Variants in DLG2 observed in about 807,000 individuals in gnomAD.
DLG2 encodes discs large MAGUK scaffold protein 2.
In DLG2, 45 loss-of-function variants were observed where a neutral mutation model predicts 132.5. The observed-to-expected ratio is 0.34, with a 90% CI of 0.27 to 0.44. DLG2 has a LOEUF of 0.44. Among genes scored for constraint, DLG2 ranks in the 20% least tolerant of loss-of-function variants. DLG2 has a pLI of 1.00. For synonymous variants in DLG2, 424 were observed against 419.6 expected (o/e 1.01, Z -0.13); for missense variants, 1,045 against 1,196.9 (o/e 0.87, Z 1.87).
At chr11:85,480,905 A>T (rs1016333771) in intron 3 of DLG2, among the ~76,000 whole-genome samples, 2 of 152,210 alleles carry the variant, frequency 1.3e-5, no homozygotes, top group African/African-American at 2.4e-5. Flanking sequence ...TTTAAGTAAA[A>T]CTCTTTCAAA....
chr11:83,916,074 C>T (rs527927367), intron 15 of DLG2, among the ~76,000 whole-genome samples: 33 of 152,276 alleles, frequency 2.2e-4, no homozygotes, highest in South Asian at 4.1e-4. Context: ...ATCAGTACTT[C>T]ATTCTTTTTT....
chr11:83,938,208 T>C (rs568535777), intron 14 of DLG2, among the ~76,000 whole-genome samples: 2 of 152,334 alleles, frequency 1.3e-5, no homozygotes, highest in South Asian at 2.1e-4. Flanking sequence ...TGAATAAAGT[T>C]AAATACAAAA....
intron 7 of DLG2, among the ~76,000 whole-genome samples, chr11:84,379,950 C>A (rs1246176474): frequency 6.6e-6 from 1 of 151,604 alleles, no homozygotes; most frequent in East Asian, 1.9e-4. Context: ...AAAATCAACC[C>A]AAAAGGAAAG....
chr11:83,946,289 A>G (rs2083945585), intron 14 of DLG2, among the ~76,000 whole-genome samples: 1 of 152,164 alleles, frequency 6.6e-6, no homozygotes, highest in Non-Finnish European at 1.5e-5. Context: ...CACCCAGCCA[A>G]CTTCTGGTAA....
At chr11:83,503,454 CACACACACACAT>C (rs2094552032) in intron 21 of DLG2, among the ~76,000 whole-genome samples, 1 of 120,344 alleles carries the variant, frequency 8.3e-6, no homozygotes, top group Non-Finnish European at 1.8e-5. Flanking sequence ...TATATTTATA[CACACACACACAT>C]ATATTATTAA....
At chr11:84,468,983 T>A (rs2099101746) in intron 7 of DLG2, among the ~76,000 whole-genome samples, 1 of 151,542 alleles carries the variant, frequency 6.6e-6, no homozygotes, top group Non-Finnish European at 1.5e-5. Flanking sequence ...GACATTTCCT[T>A]TGTGAATCTT....
At chr11:83,928,713 T>C (rs1409416945) in intron 15 of DLG2, among the ~76,000 whole-genome samples, 2 of 152,150 alleles carry the variant, frequency 1.3e-5, no homozygotes, top group African/African-American at 2.4e-5. Context: ...AGGCAACTTA[T>C]CAAGTCTCGA....
intron 3 of DLG2, among the ~76,000 whole-genome samples, chr11:85,479,257 T>A (rs1280274801): frequency 1.3e-5 from 2 of 152,156 alleles, no homozygotes; most frequent in African/African-American, 2.4e-5. Flanking sequence ...TCCAATATCA[T>A]GGCAAAGGCA....
chr11:84,378,103 G>A (rs565505326), intron 7 of DLG2, among the ~76,000 whole-genome samples: 32 of 152,240 alleles, frequency 2.1e-4, no homozygotes, highest in African/African-American at 6.0e-4. Flanking sequence ...TATTGAAGCC[G>A]TAACACTGAC....
chr11:84,640,027 C>A (rs532344202), intron 6 of DLG2: 186 of 269,466 alleles, frequency 6.9e-4, no homozygotes, highest in Non-Finnish European at 1.1e-3. Context: ...ACTGTCGGCA[C>A]TCCAGAAAAT....
At chr11:85,015,942 G>C (rs1324597944) in intron 6 of DLG2, among the ~76,000 whole-genome samples, 1 of 151,894 alleles carries the variant, frequency 6.6e-6, no homozygotes, top group East Asian at 1.9e-4. Flanking sequence ...TTTATGAATT[G>C]GGAGCAGCAC....
chr11:83,921,113 G>A (rs1003262473), intron 15 of DLG2, among the ~76,000 whole-genome samples: 3 of 152,082 alleles, frequency 2.0e-5, no homozygotes, highest in African/African-American at 7.2e-5. Flanking sequence ...TGCAAAATGG[G>A]ATAATAATAA....
chr11:84,532,503 G>A (rs2099345248), intron 7 of DLG2, among the ~76,000 whole-genome samples: 1 of 151,928 alleles, frequency 6.6e-6, no homozygotes, highest in South Asian at 2.1e-4. Flanking sequence ...TGTGTGTTGG[G>A]GGTTGTGGCA....
At chr11:84,381,128 A>T (rs965986427) in intron 7 of DLG2, among the ~76,000 whole-genome samples, 13 of 151,840 alleles carry the variant, frequency 8.6e-5, no homozygotes, top group African/African-American at 2.9e-4. Flanking sequence ...TTTGAAAATT[A>T]AAAAAAATGA....
At chr11:83,986,653 T>G (rs2093339776) in intron 11 of DLG2, among the ~76,000 whole-genome samples, 1 of 152,016 alleles carries the variant, frequency 6.6e-6, no homozygotes, top group Non-Finnish European at 1.5e-5. Flanking sequence ...CCACAATGGT[T>G]GAACTAGTTT....
At chr11:84,827,661 C>T (rs1290729866) in intron 6 of DLG2, among the ~76,000 whole-genome samples, 1 of 76,100 alleles carries the variant, frequency 1.3e-5, no homozygotes, top group Non-Finnish European at 2.3e-5. Context: ...AAGGCTGGAA[C>T]TGAGTACATA....
At chr11:84,732,432 T>G (rs760145484) in intron 6 of DLG2, among the ~76,000 whole-genome samples, 1 of 152,048 alleles carries the variant, frequency 6.6e-6, no homozygotes, top group Non-Finnish European at 1.5e-5. Flanking sequence ...CACCTGGTAT[T>G]GTCAATCATT....
At chr11:84,598,727 T>C (rs775176674) in intron 6 of DLG2, among the ~76,000 whole-genome samples, 8 of 149,558 alleles carry the variant, frequency 5.3e-5, no homozygotes, top group Non-Finnish European at 8.9e-5. Flanking sequence ...GTAAGTTTGA[T>C]ACCAGCCTGG....
intron 7 of DLG2, among the ~76,000 whole-genome samples, chr11:84,323,698 AT>A (rs988634781): frequency 2.3e-5 from 3 of 128,524 alleles, no homozygotes; most frequent in Non-Finnish European, 5.0e-5. Flanking sequence ...CCTCAACAAC[AT>A]TTTTTTTGCT....
Sources: gnomAD v4.1 joint callset for allele counts (sites outside exome capture counted in the v4.1 genomes callset) on GRCh38, gnomAD v4.1.1 for gene constraint, MANE v1.5 for transcripts, NCBI Gene and HGNC (gene_info 2026-07-23, HGNC 2026-07-21) for gene names.